The following HDHD5 variants were observed in gnomAD, a reference collection of about 807,000 sequenced individuals.
The protein encoded by HDHD5 is haloacid dehalogenase like hydrolase domain containing 5.
A neutral mutation model predicts 35.5 loss-of-function variants in HDHD5; 34 were observed. The observed-to-expected ratio is 0.96, with a 90% CI of 0.73 to 1.28. The LOEUF is 1.28. Ranked by LOEUF, HDHD5 falls within the 50% of genes most tolerant of loss-of-function variation. HDHD5 has a pLI of 0.00. For missense variants in HDHD5, 589 were observed against 560.2 expected, an observed-to-expected ratio of 1.05 and a Z score of -0.52; for synonymous variants, 248 against 240.6, an observed-to-expected ratio of 1.03 and a Z score of -0.29.
chr22:17,144,586 G>C (rs2061637689), intron 4 of HDHD5, among the ~76,000 whole-genome samples: 1 of 152,054 alleles, frequency 6.6e-6, no homozygotes, highest in African/African-American at 2.4e-5. Context: ...GCTAATTTTT[G>C]TATTTTTAGT....
chr22:17,165,100 G>A (rs1195874942), intron 1 of HDHD5: 6 of 705,878 alleles, frequency 8.5e-6, no homozygotes, highest in Middle Eastern at 3.6e-4. Flanking sequence ...GGAGTTCTCT[G>A]TAGGGAAGGG....
At position 17,138,755 on chromosome 22, in the gene HDHD5, C is replaced by A. The variant is rs755145077; in HGVS notation, c.747-17G>T. 1.9e-6 allele frequency: 3 copies of A among 1,613,830 alleles called. No homozygotes were observed. The highest frequency in any genetic ancestry group is 2.2e-5 in the South Asian group (2 of 91,068). On this transcript the variant is annotated splice_polypyrimidine_tract_variant and intron_variant, in intron 6 of 7. Coordinates refer to ENST00000336737, the MANE Select transcript of HDHD5 (RefSeq NM_033070.3). ...TGTCCAAACCTGCCAGAAACGAGCA[C>A]GCAGCAGTTCAGTCTTCCTGATCTC...
upstream of HDHD5, chr22:17,159,724 T>G (rs1370539242): frequency 1.7e-5 from 5 of 297,442 alleles, no homozygotes; most frequent in South Asian, 7.4e-5. Context: ...AATTGTTAAG[T>G]CTTTCATTGT....
At chr22:17,155,162 C>A (rs1255217271) in intron 1 of HDHD5, among the ~76,000 whole-genome samples, 4 of 151,286 alleles carry the variant, frequency 2.6e-5, no homozygotes, top group African/African-American at 9.7e-5. Flanking sequence ...CTCATTTGTA[C>A]AATGGTTGCA....
At chr22:17,157,142 T>C (rs2123878558) in intron 1 of HDHD5, among the ~76,000 whole-genome samples, 1 of 147,810 alleles carries the variant, frequency 6.8e-6, no homozygotes. Flanking sequence ...AACAATGATA[T>C]AAATGAAGAT....
intron 6 of HDHD5, among the ~76,000 whole-genome samples, chr22:17,139,898 T>G (rs1411683117): frequency 6.6e-6 from 1 of 152,226 alleles, no homozygotes; most frequent in Non-Finnish European, 1.5e-5. Context: ...ATTCTACTTT[T>G]AATTAGAAAA....
chr22:17,147,970 C>T (rs762716407), intron 3 of HDHD5, among the ~76,000 whole-genome samples: 14 of 152,230 alleles, frequency 9.2e-5, no homozygotes, highest in Non-Finnish European at 1.8e-4. Flanking sequence ...GTGCTCAGCA[C>T]AACAGTTGCT....
At chr22:17,154,606 T>A (rs940312112) in intron 1 of HDHD5, among the ~76,000 whole-genome samples, 2 of 139,452 alleles carry the variant, frequency 1.4e-5, no homozygotes, top group African/African-American at 5.4e-5. Flanking sequence ...GTTCAGAATG[T>A]CCTTATTTTC....
At chr22:17,153,793 A>G (rs2061754676) in intron 1 of HDHD5, among the ~76,000 whole-genome samples, 1 of 152,136 alleles carries the variant, frequency 6.6e-6, no homozygotes, top group Admixed American at 6.5e-5. Flanking sequence ...TGAATGACCC[A>G]AAGGATAAAT....
intron 4 of HDHD5, among the ~76,000 whole-genome samples, 195 bp downstream of exon 4, chr22:17,144,827 AGG>A (rs1417361369): frequency 1.3e-5 from 2 of 152,100 alleles, no homozygotes; most frequent in African/African-American, 4.8e-5. Context: ...TTGGGATTAC[AGG>A]TGTAAGCCAC....
intron 5 of HDHD5, chr22:17,141,707 T>A: frequency 1.4e-6 from 1 of 736,880 alleles, no homozygotes; most frequent in Non-Finnish European, 1.7e-6. Context: ...TGTATGACTG[T>A]GGCCAAGTAA....
At position 17,148,653 on chromosome 22, in the gene HDHD5, G is replaced by GC. The variant is rs2061692763; in HGVS notation, c.331-94_331-93insG. 3.1e-6 allele frequency: 3 copies of GC among 954,510 alleles called. No homozygotes were observed. In the Admixed American group the frequency reaches 6.7e-5, roughly 21 times the overall value. The allele number at this position is 954,510 out of a possible 1,614,324, so 59.1% of individuals were successfully genotyped here. Reference sequence around the variant, plus strand: ...GTGGCAGGTCCTTTAGCCTAGGGAAGGAAAAAACCCGCTCAGAAAAAGAAC... The same window carrying GC: ...GTGGCAGGTCCTTTAGCCTAGGGAAGCGAAAAAACCCGCTCAGAAAAAGAAC... On this transcript the variant is annotated intron_variant, in intron 2 of 7. Coordinates refer to ENST00000336737, the MANE Select transcript of HDHD5 (RefSeq NM_033070.3).
Position 17,143,111 on chromosome 22 carries a change from G to T in HDHD5, c.558C>A (p.Phe186Leu), listed in dbSNP as rs773468883. Reference protein sequence around the residue: ...LKTTPLPRNDFPRIEGVLLLG... With the variant: ...LKTTPLPRNDLPRIEGVLLLG... ...GACCTCTCTTACCTTCAATGCGGGG[G>T]AAGTCATTCCTCGGGAGGGGCTGCA... The change falls in exon 5 of 8, where the codon TTC becomes TTA. Residue 186 changes from phenylalanine to leucine, a missense_variant. Coordinates refer to ENST00000336737, the MANE Select transcript of HDHD5 (RefSeq NM_033070.3). 1 of 1,609,924 alleles carries T rather than the reference G, an allele frequency of 6.2e-7. No homozygotes were observed. Among genetic ancestry groups the T allele is most frequent in the African/African-American group, 1.3e-5 (1 of 74,770 alleles).
chr22:17,157,114 A>ACACACACACACAC (rs1555881519), intron 1 of HDHD5, among the ~76,000 whole-genome samples: 3 of 148,302 alleles, frequency 2.0e-5, no homozygotes, highest in African/African-American at 7.3e-5. Flanking sequence ...ACACACACAC[A>ACACACACACACAC]AAAGAAAAAA....
chr22:17,153,411 C>T (rs148419323), intron 1 of HDHD5, among the ~76,000 whole-genome samples: 1 of 152,228 alleles, frequency 6.6e-6, no homozygotes, highest in Non-Finnish European at 1.5e-5. Flanking sequence ...AAACAGGGGA[C>T]CCCAGGACTG....
intron 3 of HDHD5, among the ~76,000 whole-genome samples, chr22:17,146,250 C>A (rs1167726445): frequency 6.6e-6 from 1 of 152,116 alleles, no homozygotes; most frequent in African/African-American, 2.4e-5. Flanking sequence ...CAAGAAGCCA[C>A]AGGCAACTCC....
At chr22:17,159,526 C>A, upstream of HDHD5, 1 of 460,896 alleles carries the variant, frequency 2.2e-6, no homozygotes. Flanking sequence ...GGCGTCCGTA[C>A]TATCGCCCTG....
chr22:17,138,047 G>A lies in HDHD5; in HGVS notation c.1246C>T (p.Arg416Cys), dbSNP rs35327402. ...DVNEAVQLVF[R>C]KEGWALE is the part of the protein sequence containing the mutation. ...CACTCCAAAGCCCAGCCCTCCTTGC[G>A]GAAGACCAGCTGCACAGCCTCATTC... The change falls in exon 8 of 8, where the codon CGC (arginine) becomes TGC (cysteine). Residue 416 changes from arginine to cysteine, a missense_variant. By Grantham distance (180) the Arg-to-Cys change is radical (BLOSUM62 -3). Coordinates refer to ENST00000336737, the MANE Select transcript of HDHD5 (RefSeq NM_033070.3). 5.2e-3 allele frequency: 8,408 copies of A among 1,613,076 alleles called. 39 individuals are homozygous for A. Among genetic ancestry groups the A allele is most frequent in the Middle Eastern group, 9.3e-3 (56 of 6,054 alleles).
intron 1 of HDHD5, among the ~76,000 whole-genome samples, chr22:17,157,111 C>CAAAA (rs1314368392): frequency 7.0e-6 from 1 of 141,914 alleles, no homozygotes; most frequent in East Asian, 2.0e-4. Flanking sequence ...CACACACACA[C>CAAAA]ACAAAAGAAA....
Sources: allele counts gnomAD v4.1 joint callset (sites outside exome capture counted in the v4.1 genomes callset), GRCh38; gene constraint gnomAD v4.1.1; transcripts MANE v1.5; gene names NCBI Gene and HGNC (gene_info 2026-07-23, HGNC 2026-07-21).